C8orf34: variants seen among roughly 807,000 people sequenced by gnomAD.
The protein encoded by C8orf34 is chromosome 8 open reading frame 34.
In C8orf34, 65 loss-of-function variants were observed where a neutral mutation model predicts 68.3. The ratio of observed to expected loss-of-function variants is 0.95; its 90% CI spans 0.78 to 1.17. C8orf34 has a LOEUF of 1.17. C8orf34 is among the 50% of genes most tolerant of loss of function. C8orf34 has a pLI of 0.00. For missense variants in C8orf34, 664 were observed against 655.4 expected (o/e 1.01, Z -0.14); for synonymous variants, 244 against 241.2 (o/e 1.01, Z -0.11).
intron 7 of C8orf34, among the ~76,000 whole-genome samples, chr8:68,552,386 G>T (rs1330210351): frequency 6.6e-6 from 1 of 151,936 alleles, no homozygotes; most frequent in East Asian, 1.9e-4. Context: ...TTTTTAGTTT[G>T]TCAGAGTACA....
intron 4 of C8orf34, among the ~76,000 whole-genome samples, chr8:68,479,460 T>C (rs1231966977): frequency 6.6e-6 from 1 of 151,998 alleles, no homozygotes; most frequent in Non-Finnish European, 1.5e-5. Flanking sequence ...AGAGAATATG[T>C]GTCTGTGTGT....
intron 1 of C8orf34, among the ~76,000 whole-genome samples, chr8:68,362,913 AGAG>A (rs1442868768): frequency 1.5e-5 from 2 of 136,278 alleles, no homozygotes; most frequent in Admixed American, 1.5e-4. Context: ...TGACGAGCTG[AGAG>A]AAGAAGGCTT....
At chr8:68,616,501 A>G (rs141705450) in intron 7 of C8orf34, among the ~76,000 whole-genome samples, 44,615 of 151,708 alleles carry the variant, frequency 0.29, 8,309 homozygotes, top group African/African-American at 0.55. Context: ...CTTTGTCCTC[A>G]TTGGTTTCAA....
At chr8:68,715,331 A>G (rs1293129090) in intron 9 of C8orf34, among the ~76,000 whole-genome samples, 2 of 152,214 alleles carry the variant, frequency 1.3e-5, no homozygotes, top group Non-Finnish European at 2.9e-5. Context: ...CAGAGTAAAC[A>G]GAAAATGCAC....
intron 7 of C8orf34, among the ~76,000 whole-genome samples, chr8:68,565,179 C>T (rs759873898): frequency 9.9e-5 from 15 of 151,928 alleles, no homozygotes; most frequent in Non-Finnish European, 1.5e-4. Flanking sequence ...TCTTTTTTGC[C>T]CAGATTGGCA....
At chr8:68,589,592 G>GGAAA (rs1817314385) in intron 7 of C8orf34, among the ~76,000 whole-genome samples, 2 of 134,414 alleles carry the variant, frequency 1.5e-5, no homozygotes, top group Non-Finnish European at 3.2e-5. Context: ...GAAGGATGAA[G>GGAAA]GAAGGAAGGA....
At chr8:68,555,495 C>T (rs897644791) in intron 7 of C8orf34, among the ~76,000 whole-genome samples, 1 of 152,076 alleles carries the variant, frequency 6.6e-6, no homozygotes, top group Non-Finnish European at 1.5e-5. Flanking sequence ...TTCTCCTTAG[C>T]AAGACTAAGA....
At position 68,342,141 on chromosome 8, in the gene C8orf34, A is replaced by G. The variant is rs7001928; in HGVS notation, c.327+10802A>G. On this transcript the variant is annotated intron_variant, in intron 1 of 13. Coordinates refer to ENST00000518698, the MANE Select transcript of C8orf34 (RefSeq NM_052958.4). ...ATATGTTAATCAGCATGATTTTGTC[A>G]TTTCATAGTGTATAATATATCAAAA... is the stretch of plus-strand genomic sequence containing the variant. Among the ~76,000 whole-genome samples the G allele has an allele frequency of 4.4e-3, 670 of 152,344 alleles. 7 individuals are homozygous for G. Among genetic ancestry groups the G allele is most frequent in the African/African-American group, 0.016 (646 of 41,580 alleles).
intron 1 of C8orf34, among the ~76,000 whole-genome samples, chr8:68,421,527 T>C (rs1484496719): frequency 2.0e-5 from 3 of 152,194 alleles, no homozygotes; most frequent in Non-Finnish European, 4.4e-5. Context: ...CCATTTGATA[T>C]GTCAGTAGTA....
intron 6 of C8orf34, among the ~76,000 whole-genome samples, chr8:68,527,811 C>T (rs1431254293): frequency 2.6e-5 from 4 of 152,064 alleles, no homozygotes; most frequent in Non-Finnish European, 5.9e-5. Flanking sequence ...TTAGAAAAAC[C>T]CCTCTTGTTC....
chr8:68,782,852 T>C (rs1471088319), intron 11 of C8orf34, among the ~76,000 whole-genome samples: 3 of 151,852 alleles, frequency 2.0e-5, no homozygotes, highest in East Asian at 1.9e-4. Flanking sequence ...ATCCCAGGAA[T>C]TGAAGACCAG....
chr8:68,614,372 T>C (rs1251177813), intron 7 of C8orf34, among the ~76,000 whole-genome samples: 6 of 152,238 alleles, frequency 3.9e-5, no homozygotes, highest in African/African-American at 1.4e-4. Context: ...CCCATGCCTA[T>C]GTCCTGAATG....
At chr8:68,356,178 T>C (rs551679408) in intron 1 of C8orf34, among the ~76,000 whole-genome samples, 1 of 152,298 alleles carries the variant, frequency 6.6e-6, no homozygotes. Flanking sequence ...ATCTGAAATG[T>C]ATGGTTTATG....
At chr8:68,599,443 T>A (rs1361380590) in intron 7 of C8orf34, among the ~76,000 whole-genome samples, 1 of 151,968 alleles carries the variant, frequency 6.6e-6, no homozygotes, top group African/African-American at 2.4e-5. Flanking sequence ...TCATACTAAT[T>A]GAAATCAAAA....
At chr8:68,564,381 C>A (rs965510793) in intron 7 of C8orf34, among the ~76,000 whole-genome samples, 1 of 152,120 alleles carries the variant, frequency 6.6e-6, no homozygotes, top group African/African-American at 2.4e-5. Flanking sequence ...CTAGTCAGGC[C>A]AACTTGGATA....
chr8:68,466,760 T>TATATATATATATATATATATAA (rs1466573601), intron 3 of C8orf34, among the ~76,000 whole-genome samples: 7 of 145,398 alleles, frequency 4.8e-5, no homozygotes, highest in Admixed American at 3.5e-4. Flanking sequence ...TATATATATA[T>TATATATATATATATATATATAA]ATATAGATGC....
At chr8:68,608,751 G>A (rs796895273) in intron 7 of C8orf34, among the ~76,000 whole-genome samples, 1 of 151,922 alleles carries the variant, frequency 6.6e-6, no homozygotes, top group Non-Finnish European at 1.5e-5. Flanking sequence ...TAGGTCTGAT[G>A]GGGGGGATGA....
intron 2 of C8orf34, among the ~76,000 whole-genome samples, chr8:68,444,006 A>C (rs1390074741): frequency 6.6e-6 from 1 of 152,134 alleles, no homozygotes; most frequent in Non-Finnish European, 1.5e-5. Context: ...TTTTTCGGGA[A>C]AATCTATTAT....
intron 3 of C8orf34, among the ~76,000 whole-genome samples, chr8:68,455,135 A>G (rs577330813): frequency 1.3e-5 from 2 of 152,096 alleles, no homozygotes; most frequent in African/African-American, 4.8e-5. Flanking sequence ...CAATCCTTTA[A>G]AATTTTTGAG....
Sources: gnomAD v4.1 joint callset for allele counts (sites outside exome capture counted in the v4.1 genomes callset) on GRCh38, gnomAD v4.1.1 for gene constraint, MANE v1.5 for transcripts, NCBI Gene and HGNC (gene_info 2026-07-23, HGNC 2026-07-21) for gene names.